MCTP2: variants seen among roughly 807,000 people sequenced by gnomAD.
The protein encoded by MCTP2 is multiple C2 and transmembrane domain-containing protein 2.
In MCTP2, 132 loss-of-function variants were observed where a neutral mutation model predicts 111.6. The observed-to-expected ratio is 1.18, with a 90% CI of 1.03 to 1.37. MCTP2 has a LOEUF of 1.37. MCTP2 is among the 40% of genes most tolerant of loss of function. The pLI is 0.00. For missense variants in MCTP2, 1,183 were observed against 1,067.9 expected (o/e 1.11, Z -1.50); for synonymous variants, 395 against 387.7 (o/e 1.02, Z -0.22).
At chr15:94,459,471 AAG>A (rs1470567263) in intron 20 of MCTP2, among the ~76,000 whole-genome samples, 2 of 152,194 alleles carry the variant, frequency 1.3e-5, no homozygotes, top group African/African-American at 4.8e-5. Context: ...TGTTTAAAAA[AAG>A]TAAGTTATAA....
In MCTP2 at chr15:94,479,392, T is replaced by C. The variant is rs1373182957; in HGVS notation, c.*358T>C. ...TTCAAGAGTGACTTTGAACTTGTTT[T>C]CACACCTCCAACAGACTCTCATTAA... On this transcript the variant is annotated 3_prime_UTR_variant, in exon 23 of 23. Coordinates refer to ENST00000357742, the MANE Select transcript of MCTP2 (RefSeq NM_001385001.1). The C allele has an allele frequency of 1.4e-5, 4 of 287,656 alleles. No homozygotes were observed. In the East Asian group the frequency reaches 2.4e-4, roughly 18 times the overall value. The allele number at this position is 287,656 out of a possible 1,614,324, so 17.8% of individuals were successfully genotyped here.
intron 8 of MCTP2, among the ~76,000 whole-genome samples, chr15:94,352,724 A>T (rs35653756): frequency 1.3e-5 from 2 of 152,088 alleles, no homozygotes; most frequent in Non-Finnish European, 2.9e-5. Flanking sequence ...AACCTAAGCT[A>T]TTCAGCTGAG....
chr15:94,336,082 ACT>A (rs1408102163), intron 4 of MCTP2, among the ~76,000 whole-genome samples: 3 of 151,994 alleles, frequency 2.0e-5, no homozygotes, highest in Admixed American at 6.6e-5. Flanking sequence ...TGGGCCTCCG[ACT>A]CATCTGTTTT....
chr15:94,341,576 G>A (rs1382431578), intron 7 of MCTP2: 2 of 152,032 alleles, frequency 1.3e-5, no homozygotes, highest in Non-Finnish European at 2.9e-5. Context: ...TTATAATTAG[G>A]TCTCCAGTAA....
At chr15:94,380,883 C>G (rs929896826) in intron 12 of MCTP2, among the ~76,000 whole-genome samples, 1 of 152,190 alleles carries the variant, frequency 6.6e-6, no homozygotes, top group Admixed American at 6.5e-5. Flanking sequence ...GTGAACCCCC[C>G]CCTTACTTGC....
intron 12 of MCTP2, among the ~76,000 whole-genome samples, chr15:94,378,082 T>C (rs932099162): frequency 1.3e-5 from 2 of 152,144 alleles, no homozygotes; most frequent in African/African-American, 4.8e-5. Flanking sequence ...TATGATCCGA[T>C]ATAAACTAAC....
At chr15:94,242,572 G>A (rs556886544) in intron 1 of MCTP2, among the ~76,000 whole-genome samples, 13 of 151,960 alleles carry the variant, frequency 8.6e-5, no homozygotes, top group African/African-American at 2.9e-4. Flanking sequence ...CTAAATTACA[G>A]TATTAAAAGA....
rs369025036 is a variant in MCTP2 at position 94,297,895 on chromosome 15, G to A, written c.-65-306G>A. Among the ~76,000 whole-genome samples the A allele has an allele frequency of 2.8e-4, 43 of 152,190 alleles. 1 individual carries two copies. In the South Asian group the frequency reaches 4.6e-3, roughly 16 times the overall value. On this transcript the variant is annotated intron_variant, in intron 1 of 22. Coordinates refer to ENST00000357742, the MANE Select transcript of MCTP2 (RefSeq NM_001385001.1). ...ATGTCTTTAGCTCCGCTTCCTCTGG[G>A]AAGGAAATAAGACAGTTATCTCTTC... is the stretch of plus-strand genomic sequence containing the variant.
chr15:94,287,364 T>A (rs1233223109), intron 1 of MCTP2, among the ~76,000 whole-genome samples: 1 of 152,202 alleles, frequency 6.6e-6, no homozygotes. Flanking sequence ...AAATATATTG[T>A]TCTGGGAAAT....
intron 1 of MCTP2, among the ~76,000 whole-genome samples, chr15:94,297,125 C>T (rs772653267): frequency 1.8e-4 from 27 of 152,230 alleles, no homozygotes; most frequent in Non-Finnish European, 3.7e-4. Flanking sequence ...GGCCAGGTCT[C>T]AGTGTCTGCC....
chr15:94,388,061 G>A (rs2080620228), intron 14 of MCTP2, among the ~76,000 whole-genome samples: 1 of 152,178 alleles, frequency 6.6e-6, no homozygotes, highest in South Asian at 2.1e-4. Flanking sequence ...GGACCCTGGA[G>A]GATGTGAAAG....
At chr15:94,455,793 G>A (rs932070260) in intron 19 of MCTP2, among the ~76,000 whole-genome samples, 2 of 152,144 alleles carry the variant, frequency 1.3e-5, no homozygotes, top group Non-Finnish European at 2.9e-5. Flanking sequence ...TGACACCTCT[G>A]AAGGTGATTA....
At chr15:94,442,834 G>C (rs1281372845) in intron 18 of MCTP2, 85 bp from the exon 19 acceptor site, 2 of 1,124,232 alleles carry the variant, frequency 1.8e-6, no homozygotes, top group South Asian at 1.3e-5. Flanking sequence ...GAAGTCTGTA[G>C]GCAAGCTTTA....
intron 20 of MCTP2, among the ~76,000 whole-genome samples, chr15:94,462,549 G>GTGTT (rs1165200257): frequency 1.3e-5 from 2 of 152,212 alleles, no homozygotes; most frequent in African/African-American, 4.8e-5. Context: ...AAGGTTTTAA[G>GTGTT]TGTTAGGGGT....
At chr15:94,274,081 T>A (rs1366521930) in intron 1 of MCTP2, 1 of 170,740 alleles carries the variant, frequency 5.9e-6, no homozygotes, top group East Asian at 1.9e-4. Context: ...CTTATCAAAA[T>A]GTCTCTGGAA....
chr15:94,318,272 ATTTTTTTTTTTTTTT>A (rs199556945), intron 4 of MCTP2, among the ~76,000 whole-genome samples: 52,281 of 143,450 alleles, frequency 0.36, 9,789 homozygotes, highest in Admixed American at 0.46. Flanking sequence ...CAAAAAAAAA[ATTTTTTTTTTTTTTT>A]TTTTTTTTTT....
chr15:94,392,870 G>T (rs528984781), intron 14 of MCTP2, among the ~76,000 whole-genome samples: 1 of 151,746 alleles, frequency 6.6e-6, no homozygotes, highest in South Asian at 2.1e-4. Flanking sequence ...AGAAAAAATA[G>T]AGCTATTCCC....
At chr15:94,462,920 C>T (rs956343392) in intron 20 of MCTP2, among the ~76,000 whole-genome samples, 1 of 152,118 alleles carries the variant, frequency 6.6e-6, no homozygotes, top group African/African-American at 2.4e-5. Flanking sequence ...ATTTTATGGC[C>T]ACTGACTTGA....
At chr15:94,291,414 C>A (rs1269961369) in intron 1 of MCTP2, among the ~76,000 whole-genome samples, 2 of 152,070 alleles carry the variant, frequency 1.3e-5, no homozygotes, top group Non-Finnish European at 2.9e-5. Context: ...ACCAGCCTGA[C>A]CAACATGATG....
Sources: gnomAD v4.1 joint callset for allele counts (sites outside exome capture counted in the v4.1 genomes callset) on GRCh38, gnomAD v4.1.1 for gene constraint, MANE v1.5 for transcripts, NCBI Gene and HGNC (gene_info 2026-07-23, HGNC 2026-07-21) for gene names.